MLF1: variants seen among roughly 807,000 people sequenced by gnomAD.
MLF1 encodes the protein myeloid leukemia factor 1.
MLF1 carries 37 observed loss-of-function variants against 38.3 expected under a neutral mutation model. The observed-to-expected ratio is 0.96, with a 90% CI of 0.74 to 1.27. MLF1 has a LOEUF of 1.27. Ranked by LOEUF, MLF1 falls within the 50% of genes most tolerant of loss-of-function variation. The pLI, the probability that MLF1 is intolerant of heterozygous loss-of-function variation, is 0.00. For missense variants in MLF1, 331 were observed against 349.2 expected (o/e 0.95, Z 0.42); for synonymous variants, 95 against 106.5 (o/e 0.89, Z 0.66).
chr3:158,600,001 T>A lies in MLF1; in HGVS notation c.454-13T>A. ...TATATTTAAATAATAATAAAATTTC[T>A]TTATTTTTACAGATAAAGGAAACCA... On this transcript the variant is annotated splice_polypyrimidine_tract_variant and intron_variant, in intron 5 of 7. Transcript: ENST00000466246. 6.8e-6 allele frequency: 9 copies of A among 1,317,482 alleles called. No individual in the cohort carries two copies. The highest frequency in any genetic ancestry group is 8.9e-6 in the Non-Finnish European group (9 of 1,012,000). The allele number at this position is 1,317,482 out of a possible 1,614,324, so 81.6% of individuals were successfully genotyped here.
intron 1 of MLF1, 54 bp downstream of exon 1, chr3:158,571,401 G>A (rs529717135): frequency 1.9e-6 from 3 of 1,610,842 alleles, no homozygotes; most frequent in South Asian, 2.2e-5. Context: ...GGTATCGAGG[G>A]GAGCTATTTT....
In MLF1 at chr3:158,592,541, A is replaced by T; in HGVS notation, c.155A>T (p.His52Leu). The change falls in exon 2 of 8, where the codon CAT becomes CTT. Residue 52 changes from histidine (H) to leucine (L), a missense_variant. By Grantham distance (99) the His-to-Leu change is moderately conservative (BLOSUM62 -3). Transcript: ENST00000466246. The stretch of plus-strand genomic sequence containing the variant: ...ATCTCTGATGGTAGAGGGAGAGCTC[A>T]TAATCGTAGAGGACATAATGATGGT... ...LSISDGRGRA[H>L]NRRGHNDGED... 1 of 1,612,550 alleles carries T rather than the reference A, an allele frequency of 6.2e-7. No individual in the cohort carries two copies. The highest frequency in any genetic ancestry group is 8.5e-7 in the Non-Finnish European group (1 of 1,179,616).
chr3:158,600,233 GA>G, intron 6 of MLF1, 60 bp downstream of exon 6: 1 of 1,073,242 alleles, frequency 9.3e-7, no homozygotes, highest in Non-Finnish European at 1.2e-6. Flanking sequence ...AGCCGTACTT[GA>G]TGAATTTTTT....
chr3:158,584,672 TG>T (rs200392939), intron 1 of MLF1, among the ~76,000 whole-genome samples: 3,185 of 151,416 alleles, frequency 0.021, 68 homozygotes, highest in East Asian at 0.094. Flanking sequence ...TGTGTGTGTG[TG>T]TGTGTGTGTG....
intron 1 of MLF1, among the ~76,000 whole-genome samples, chr3:158,585,301 C>T (rs1461628109): frequency 1.3e-5 from 2 of 151,998 alleles, no homozygotes; most frequent in Non-Finnish European, 2.9e-5. Flanking sequence ...TTTCACCTCC[C>T]CACCCCTCTC....
intron 1 of MLF1, 51 bp from the exon 2 acceptor site, chr3:158,592,383 C>G (rs918310463): frequency 1.3e-6 from 2 of 1,495,134 alleles, no homozygotes; most frequent in Admixed American, 4.4e-5. Context: ...TGCCTACTTA[C>G]TATTTAAACT....
intron 1 of MLF1, chr3:158,590,810 G>A (rs1718004568): frequency 2.2e-6 from 1 of 453,182 alleles, no homozygotes; most frequent in Admixed American, 2.4e-5. Flanking sequence ...TGGAGGTTAT[G>A]ACTGCACTTT....
Position 158,605,260 on chromosome 3 carries a change from G to A in MLF1, c.*58G>A, listed in dbSNP as rs560186601. ...TGTTTTAACAGTTAGTAATGGTGCT[G>A]GGTAATAAGCATAAGACCAATCTCT... On this transcript the variant is annotated 3_prime_UTR_variant, in exon 8 of 8. Transcript: ENST00000466246. The A allele has an allele frequency of 6.6e-6, 9 of 1,357,056 alleles. No homozygotes were observed. The highest frequency in any genetic ancestry group is 2.9e-5 in the African/African-American group (2 of 69,582). 84.1% of individuals were successfully genotyped at this position (1,357,056 alleles called of 1,614,324 possible).
chr3:158,599,578 C>G (rs1041728371), intron 5 of MLF1, among the ~76,000 whole-genome samples: 1 of 152,110 alleles, frequency 6.6e-6, no homozygotes, highest in African/African-American at 2.4e-5. Flanking sequence ...ATGTTAGTTG[C>G]TATCAGAAAT....
chr3:158,600,267 T>C lies in MLF1; in HGVS notation c.613+94T>C, dbSNP rs1035344461. 47 of 696,830 alleles carry C rather than the reference T, an allele frequency of 6.7e-5. No homozygotes were observed. The African/African-American group carries it at 7.1e-4, about 11-fold the overall frequency. 43.2% of individuals were successfully genotyped at this position (696,830 alleles called of 1,614,324 possible). ...TTTTTTAGAAACATGTCATAAGATG[T>C]AGTTTTTGAATAATGCATGTAGAGA... is the stretch of plus-strand genomic sequence containing the variant. On this transcript the variant is annotated intron_variant, in intron 6 of 7. Transcript: ENST00000466246.
At chr3:158,604,787 T>A (rs749413010) in intron 7 of MLF1, among the ~76,000 whole-genome samples, 1 of 152,094 alleles carries the variant, frequency 6.6e-6, no homozygotes, top group Non-Finnish European at 1.5e-5. Context: ...GCCTCCTGAG[T>A]AGCTGGGACT....
intron 1 of MLF1, among the ~76,000 whole-genome samples, chr3:158,578,505 A>AAC (rs112630390): frequency 0.021 from 3,029 of 147,320 alleles, 45 homozygotes; most frequent in African/African-American, 0.047. Context: ...CATACATACA[A>AAC]ACACACACAC....
intron 7 of MLF1, among the ~76,000 whole-genome samples, chr3:158,604,805 C>T (rs959101253): frequency 3.3e-5 from 5 of 152,062 alleles, no homozygotes; most frequent in Admixed American, 2.0e-4. Context: ...ACTACAGGCG[C>T]GCATCACCAC....
chr3:158,574,505 T>TAAAACAAAAA (rs1715070191), intron 1 of MLF1, among the ~76,000 whole-genome samples: 1 of 91,408 alleles, frequency 1.1e-5, no homozygotes, highest in African/African-American at 5.7e-5. Flanking sequence ...CCATCTGTAC[T>TAAAACAAAAA]AAAAAAAAAA....
At chr3:158,602,590 C>A (rs565815590) in intron 6 of MLF1, among the ~76,000 whole-genome samples, 8 of 152,040 alleles carry the variant, frequency 5.3e-5, no homozygotes, top group Non-Finnish European at 1.0e-4. Context: ...AAAAATAGAT[C>A]ATCAATAACT....
chr3:158,605,003 C>A, intron 7 of MLF1, 94 bp from the exon 8 acceptor site: 1 of 932,910 alleles, frequency 1.1e-6, no homozygotes, highest in Non-Finnish European at 1.6e-6. Flanking sequence ...TAAAACTTTT[C>A]TTATATTACA....
At chr3:158,592,020 A>C (rs1188165486) in intron 1 of MLF1, among the ~76,000 whole-genome samples, 1 of 152,220 alleles carries the variant, frequency 6.6e-6, no homozygotes, top group African/African-American at 2.4e-5. Flanking sequence ...TAACCTACCG[A>C]GTATCATCAG....
chr3:158,583,210 C>A (rs1258923656), intron 1 of MLF1, among the ~76,000 whole-genome samples: 1 of 152,164 alleles, frequency 6.6e-6, no homozygotes, highest in Non-Finnish European at 1.5e-5. Flanking sequence ...CTCCACTCTT[C>A]CCCTCACTTT....
chr3:158,592,553 G>T lies in MLF1; in HGVS notation c.167G>T (p.Gly56Val). ...DGRGRAHNRRGHNDGEDSLTA... is the reference protein window; with the variant it reads ...DGRGRAHNRRVHNDGEDSLTA... ...AGAGGGAGAGCTCATAATCGTAGAG[G>T]ACATAATGATGGTGAAGATTCTTTG... is the stretch of plus-strand genomic sequence containing the variant. Residue 56 changes from glycine to valine, a missense_variant, in exon 2 of 8, where the codon GGA becomes GTA. Transcript: ENST00000466246. The T allele has an allele frequency of 6.2e-7, 1 of 1,610,808 alleles. No individual in the cohort carries two copies. Among genetic ancestry groups the T allele is most frequent in the Non-Finnish European group, 8.5e-7 (1 of 1,179,054 alleles).
Sources: allele counts gnomAD v4.1 joint callset (sites outside exome capture counted in the v4.1 genomes callset), GRCh38; gene constraint gnomAD v4.1.1; transcripts MANE v1.5; gene names NCBI Gene and HGNC (gene_info 2026-07-23, HGNC 2026-07-21).